The following PUM3 variants were observed in gnomAD, a reference collection of about 807,000 sequenced individuals.
The protein encoded by PUM3 is pumilio homolog 3.
Under a neutral mutation model 84.0 loss-of-function variants are expected in PUM3, and 91 were observed. That is an observed-to-expected ratio of 1.08 (90% CI 0.91 to 1.29). The LOEUF is 1.29. Among genes scored for constraint, PUM3 ranks in the 50% most tolerant of loss-of-function variants. The pLI is 0.00. For synonymous variants in PUM3, 321 were observed against 266.7 expected, an observed-to-expected ratio of 1.20 and a Z score of -1.98; for missense variants, 1,067 against 767.5, an observed-to-expected ratio of 1.39 and a Z score of -4.61.
At chr9:2,841,971 G>A (rs141486582) in intron 1 of PUM3, among the ~76,000 whole-genome samples, 99 of 152,210 alleles carry the variant, frequency 6.5e-4, no homozygotes, top group African/African-American at 2.3e-3. Context: ...ACTCTAAAAA[G>A]TCCCCTGGTA....
rs1258248208 is a variant in PUM3, at chr9:2,804,324, T to C, written c.*7A>G. ...AATCATTCCATCTTGCTCTTAACTC[T>C]TTCCACCTATGTGCTCAGTTTTTCA... On this transcript the variant is annotated 3_prime_UTR_variant, in exon 18 of 18. Transcript: ENST00000397885. The C allele has an allele frequency of 1.9e-6, 3 of 1,612,074 alleles. No individual in the cohort carries two copies. The highest frequency in any genetic ancestry group is 2.5e-6 in the Non-Finnish European group (3 of 1,179,482).
At chr9:2,819,605 A>C (rs971442498) in intron 13 of PUM3, among the ~76,000 whole-genome samples, 1 of 152,192 alleles carries the variant, frequency 6.6e-6, no homozygotes, top group African/African-American at 2.4e-5. Flanking sequence ...ACAGGGAGAG[A>C]GATAATTTAA....
chr9:2,806,680 G>T (rs573296146), intron 17 of PUM3, among the ~76,000 whole-genome samples: 1 of 152,100 alleles, frequency 6.6e-6, no homozygotes, highest in African/African-American at 2.4e-5. Context: ...ATGATTTGTG[G>T]ATTGATTATA....
intron 9 of PUM3, 72 bp from the exon 10 acceptor site, chr9:2,827,223 C>G: frequency 9.4e-7 from 1 of 1,058,696 alleles, no homozygotes; most frequent in Non-Finnish European, 1.4e-6. Context: ...CAGGTAATCT[C>G]AAAGTCCTAA....
At chr9:2,820,201 CAAAAAAAAAA>C (rs58442595) in intron 12 of PUM3, 103 bp from the exon 13 acceptor site, 10 of 150,740 alleles carry the variant, frequency 6.6e-5, no homozygotes, top group South Asian at 2.8e-4. Context: ...AGACTCCGCT[CAAAAAAAAAA>C]AAAAAAAAAG....
intron 17 of PUM3, among the ~76,000 whole-genome samples, chr9:2,805,895 T>G: frequency 6.6e-6 from 1 of 152,128 alleles, no homozygotes; most frequent in East Asian, 1.9e-4. Context: ...GTGCCAATGC[T>G]CCCAAATGTT....
At chr9:2,831,848 T>A (rs777231787) in intron 5 of PUM3, among the ~76,000 whole-genome samples, 3 of 152,200 alleles carry the variant, frequency 2.0e-5, no homozygotes, top group Non-Finnish European at 4.4e-5. Context: ...GTCAATTATA[T>A]AATAAGTTAA....
intron 17 of PUM3, among the ~76,000 whole-genome samples, chr9:2,807,415 G>A (rs1458427916): frequency 6.6e-6 from 1 of 151,660 alleles, no homozygotes; most frequent in Non-Finnish European, 1.5e-5. Context: ...GGCCAACACA[G>A]GGAGACCCCC....
Position 2,827,161 on chromosome 9 carries a change from GA to G in PUM3, c.957-11del, listed in dbSNP as rs772376790. The stretch of plus-strand genomic sequence containing the variant: ...CTTAATCACAGCTTCCCTGAAAACA[GA>G]AAAAAAAAGCAAAAAGACACAACAG... On this transcript the variant is annotated splice_polypyrimidine_tract_variant and intron_variant, in intron 9 of 17. Transcript: ENST00000397885. 126 of 1,566,698 alleles carry G rather than the reference GA, an allele frequency of 8.0e-5. No individual in the cohort carries two copies. The highest frequency in any genetic ancestry group is 6.3e-4 in the African/African-American group (45 of 71,878).
At chr9:2,827,514 G>T (rs1815856274) in intron 9 of PUM3, among the ~76,000 whole-genome samples, 1 of 152,124 alleles carries the variant, frequency 6.6e-6, no homozygotes, top group Non-Finnish European at 1.5e-5. Context: ...TTTTTTAATA[G>T]TTGTTTTATT....
chr9:2,838,635 C>T (rs1212056064), intron 1 of PUM3, 118 bp from the exon 2 acceptor site: 5 of 636,424 alleles, frequency 7.9e-6, no homozygotes, highest in African/African-American at 7.3e-5. Context: ...TACAAATCAG[C>T]CAGATATAGA....
At chr9:2,840,640 C>G (rs899637812) in intron 1 of PUM3, among the ~76,000 whole-genome samples, 1 of 152,200 alleles carries the variant, frequency 6.6e-6, no homozygotes, top group African/African-American at 2.4e-5. Flanking sequence ...TGGTTATAAT[C>G]CAATACCACT....
rs1174098652 is a variant in PUM3 at position 2,843,585 on chromosome 9, T to C, written c.-11+460A>G. On this transcript the variant is annotated intron_variant, in intron 1 of 17. Transcript: ENST00000397885. ...GAGTCCCGCCCTTCTTTTTTTTTTT[T>C]TTTTTTTTTTTGAGACGGAGTCTTG... 4.2e-5 allele frequency among the ~76,000 whole-genome samples: 6 copies of C among 144,128 alleles called. No homozygotes were observed. In the East Asian group the frequency reaches 1.0e-3, roughly 24 times the overall value. The allele number at this position is 144,128 out of a possible 152,430, so 94.6% of individuals were successfully genotyped here.
intron 15 of PUM3, among the ~76,000 whole-genome samples, chr9:2,810,817 A>G (rs1006355463): frequency 5.3e-5 from 8 of 152,152 alleles, no homozygotes; most frequent in African/African-American, 1.4e-4. Context: ...TCAAAACCCA[A>G]TGCTGCATGC....
intron 5 of PUM3, among the ~76,000 whole-genome samples, chr9:2,831,915 T>C (rs1426953185): frequency 6.6e-6 from 1 of 152,240 alleles, no homozygotes. Flanking sequence ...GTTATATTTC[T>C]AGAAGAGTTG....
In PUM3 at chr9:2,804,601, A is replaced by T. The variant is rs147225256; in HGVS notation, c.1815-138T>A. Reference sequence around the variant, plus strand: ...ATACACATTATTTTTCATTCAAAGGATGAATGATGAGACCAGTAGCCCATA... The same window carrying T: ...ATACACATTATTTTTCATTCAAAGGTTGAATGATGAGACCAGTAGCCCATA... On this transcript the variant is annotated intron_variant, in intron 17 of 17. Transcript: ENST00000397885. 4 of 800,924 alleles carry T rather than the reference A, an allele frequency of 5.0e-6. No homozygotes were observed. In the African/African-American group the frequency reaches 7.0e-5, roughly 14 times the overall value. 49.6% of individuals were successfully genotyped at this position (800,924 alleles called of 1,614,324 possible). A position where few individuals can be genotyped will look rare whatever the true frequency, so the allele number is the denominator to read the frequency against.
chr9:2,838,549 C>A, intron 1 of PUM3, 32 bp from the exon 2 acceptor site: 1 of 1,299,642 alleles, frequency 7.7e-7, no homozygotes, highest in African/African-American at 1.5e-5. Flanking sequence ...CAAAAACAAT[C>A]ACTGCAGTTC....
At chr9:2,816,099 C>T (rs1208582377) in intron 13 of PUM3, among the ~76,000 whole-genome samples, 4 of 151,906 alleles carry the variant, frequency 2.6e-5, no homozygotes, top group Non-Finnish European at 4.4e-5. Context: ...ATGTAAAAAT[C>T]AACCCATCCA....
chr9:2,807,817 G>C lies in PUM3; in HGVS notation c.1811C>G (p.Ser604Cys). The change falls in exon 17 of 18, where the codon TCT becomes TGT. Residue 604 changes from serine to cysteine, a missense_variant. Transcript: ENST00000397885. Reference protein sequence around the residue: ...ASVNRGAIILSSLLQSCDLEV... With the variant: ...ASVNRGAIILCSLLQSCDLEV... ...GAAGGGCACATGTTATACATACCTA[G>C]AAAGAATAATGGCACCTCGATTTAC... 6.2e-7 allele frequency: 1 copy of C among 1,600,918 alleles called. No homozygotes were observed. Among genetic ancestry groups the C allele is most frequent in the Non-Finnish European group, 8.5e-7 (1 of 1,170,684 alleles).
Sources: allele counts gnomAD v4.1 joint callset (sites outside exome capture counted in the v4.1 genomes callset), GRCh38; gene constraint gnomAD v4.1.1; transcripts MANE v1.5; gene names NCBI Gene and HGNC (gene_info 2026-07-23, HGNC 2026-07-21).